The following ALDH1A2 variants were observed in gnomAD, a reference collection of about 807,000 sequenced individuals.
ALDH1A2 encodes aldehyde dehydrogenase 1 family member A2.
Under a neutral mutation model 60.3 loss-of-function variants are expected in ALDH1A2, and 27 were observed. The ratio of observed to expected loss-of-function variants is 0.45; its 90% CI spans 0.33 to 0.62. The LOEUF (loss-of-function observed/expected upper bound fraction) is 0.62. ALDH1A2 is among the 20% of genes least tolerant of loss of function. The pLI, the probability that ALDH1A2 is intolerant of heterozygous loss-of-function variation, is 0.02. For missense variants in ALDH1A2, 581 were observed against 643.8 expected, an observed-to-expected ratio of 0.90 and a Z score of 1.06; for synonymous variants, 289 against 232.4, an observed-to-expected ratio of 1.24 and a Z score of -2.21.
At chr15:57,973,772 T>C (rs1434031264) in intron 7 of ALDH1A2, among the ~76,000 whole-genome samples, 1 of 152,176 alleles carries the variant, frequency 6.6e-6, no homozygotes, top group Non-Finnish European at 1.5e-5. Flanking sequence ...ACGGGATTAG[T>C]TCCCCTCCAA....
intron 1 of ALDH1A2, among the ~76,000 whole-genome samples, chr15:58,030,145 A>G (rs1313547903): frequency 6.6e-6 from 1 of 152,194 alleles, no homozygotes; most frequent in East Asian, 1.9e-4. Context: ...CCTCAATAAA[A>G]TACTGGCAAA....
rs753292213 is a variant in ALDH1A2 at position 57,992,897 on chromosome 15, C to T, written c.684+48G>A. The T allele has an allele frequency of 5.0e-6, 8 of 1,613,552 alleles. No individual in the cohort carries two copies. The South Asian group carries it at 7.7e-5, about 16-fold the overall frequency. ...TAAATGAGATATGCTCTAGTAGGCTCCAGCTGTAAGGGGAGTCAGAAGCAC... is the reference window on the plus strand; with the variant it reads ...TAAATGAGATATGCTCTAGTAGGCTTCAGCTGTAAGGGGAGTCAGAAGCAC... On this transcript the variant is annotated intron_variant, in intron 6 of 12. Transcript: ENST00000249750.
intron 1 of ALDH1A2, among the ~76,000 whole-genome samples, chr15:58,064,378 T>C (rs1420966337): frequency 5.3e-5 from 8 of 152,208 alleles, no homozygotes; most frequent in Non-Finnish European, 1.2e-4. Flanking sequence ...ATCGCCCTGA[T>C]TTGTAACCTA....
chr15:58,004,693 T>TTGTGTGTGTGTGTGTGTG (rs138706461), intron 4 of ALDH1A2, among the ~76,000 whole-genome samples: 28 of 137,136 alleles, frequency 2.0e-4, no homozygotes, highest in African/African-American at 7.1e-4. Context: ...ATCCCATGAT[T>TTGTGTGTGTGTGTGTGTG]TGTGTGTGTG....
chr15:57,991,339 A>G (rs1214751252), intron 7 of ALDH1A2: 2 of 152,176 alleles, frequency 1.3e-5, no homozygotes. Context: ...CAAAATTACA[A>G]TAACAAATAC....
intron 7 of ALDH1A2, among the ~76,000 whole-genome samples, chr15:57,974,432 CAAAAAAAA>C (rs61170362): frequency 2.3e-3 from 225 of 96,706 alleles, no homozygotes; most frequent in African/African-American, 6.8e-3. Flanking sequence ...GACTCCATCT[CAAAAAAAA>C]AAAAAAAAAA....
At chr15:58,004,164 A>T (rs1479721783) in intron 4 of ALDH1A2, among the ~76,000 whole-genome samples, 1 of 151,890 alleles carries the variant, frequency 6.6e-6, no homozygotes, top group Non-Finnish European at 1.5e-5. Flanking sequence ...TTCTAGTTGA[A>T]GGCTACCCTT....
intron 7 of ALDH1A2, among the ~76,000 whole-genome samples, chr15:57,971,872 C>T (rs558993575): frequency 6.6e-6 from 1 of 152,314 alleles, no homozygotes; most frequent in African/African-American, 2.4e-5. Context: ...TACAGGTGCA[C>T]ACTACCAAGC....
intron 1 of ALDH1A2, among the ~76,000 whole-genome samples, chr15:58,018,039 G>A (rs1236611273): frequency 1.3e-5 from 2 of 152,092 alleles, no homozygotes; most frequent in Admixed American, 1.3e-4. Context: ...AGGCAATGTC[G>A]AAAGTTTTGA....
At chr15:58,059,057 G>A (rs1896961380) in intron 1 of ALDH1A2, among the ~76,000 whole-genome samples, 1 of 152,110 alleles carries the variant, frequency 6.6e-6, no homozygotes, top group Non-Finnish European at 1.5e-5. Context: ...CTGTAAATAA[G>A]CTCTAAGATT....
rs1895370868 is a variant in ALDH1A2, at chr15:58,004,214, G to C, written c.493+6435C>G. On this transcript the variant is annotated intron_variant, in intron 4 of 12. Coordinates refer to ENST00000249750, the MANE Select transcript of ALDH1A2 (RefSeq NM_003888.4). The stretch of plus-strand genomic sequence containing the variant: ...AAGCAGGTATTTGCTCTCTCTAACT[G>C]ATTATCCATCTGTAGTCAAAGTGAA... Among the ~76,000 whole-genome samples, 6 of 151,824 alleles carry C rather than the reference G, an allele frequency of 4.0e-5. No homozygotes were observed. In the South Asian group the frequency reaches 1.2e-3, roughly 31 times the overall value.
chr15:58,021,250 T>G (rs952311069), intron 1 of ALDH1A2, among the ~76,000 whole-genome samples: 2 of 152,168 alleles, frequency 1.3e-5, no homozygotes, highest in African/African-American at 2.4e-5. Flanking sequence ...TAGAAGCAGT[T>G]TATATGACTG....
intron 1 of ALDH1A2, chr15:58,058,138 C>T (rs1420836514): frequency 7.2e-7 from 1 of 1,391,094 alleles, no homozygotes; most frequent in African/African-American, 1.4e-5. Context: ...AGTTGTTCTC[C>T]ATAAATTCAT....
At chr15:58,015,880 C>T (rs1453808122) in intron 1 of ALDH1A2, among the ~76,000 whole-genome samples, 1 of 152,200 alleles carries the variant, frequency 6.6e-6, no homozygotes. Flanking sequence ...TGGTCTGGTT[C>T]TCTTTTCATT....
rs1895627134 is a variant in ALDH1A2 at position 58,011,321 on chromosome 15, AGGCT to A, written c.364-547_364-544del. On this transcript the variant is annotated intron_variant, in intron 3 of 12. Coordinates refer to ENST00000249750, the MANE Select transcript of ALDH1A2 (RefSeq NM_003888.4). ...GGAAGCCCAGATGTTAACAACTTAAAGGCTGGTTTTTTGTAAACATTTACATTAA... is the reference window on the plus strand; with the variant it reads ...GGAAGCCCAGATGTTAACAACTTAAAGGTTTTTTGTAAACATTTACATTAA... Among the ~76,000 whole-genome samples, 4 of 152,220 alleles carry A rather than the reference AGGCT, an allele frequency of 2.6e-5. No individual in the cohort carries two copies. The South Asian group carries it at 8.3e-4, about 31-fold the overall frequency.
chr15:58,063,854 A>G lies in ALDH1A2; in HGVS notation c.117+1680T>C, dbSNP rs1308234036. The stretch of plus-strand genomic sequence containing the variant: ...ATACTGGATAAAAGTTCCCCGAGCT[A>G]AAAGACTCCACATTAAAGGCTCCAA... On this transcript the variant is annotated intron_variant, in intron 1 of 12. Coordinates refer to ENST00000249750, the MANE Select transcript of ALDH1A2 (RefSeq NM_003888.4). 2.0e-5 allele frequency among the ~76,000 whole-genome samples: 3 copies of G among 152,216 alleles called. No individual in the cohort carries two copies. The East Asian group carries it at 5.8e-4, about 29-fold the overall frequency.
chr15:58,063,980 A>G (rs1162884741), intron 1 of ALDH1A2, among the ~76,000 whole-genome samples: 1 of 152,128 alleles, frequency 6.6e-6, no homozygotes, highest in Non-Finnish European at 1.5e-5. Context: ...TTCCAAATTA[A>G]ATTCTGAAAA....
At chr15:58,042,046 A>T (rs11071366) in intron 1 of ALDH1A2, among the ~76,000 whole-genome samples, 44,859 of 151,796 alleles carry the variant, frequency 0.3, 7,115 homozygotes, top group Non-Finnish European at 0.37. Flanking sequence ...ATTTGAACAT[A>T]TGATTTTTGG....
chr15:57,955,295 A>G, intron 12 of ALDH1A2, 26 bp from the exon 13 acceptor site: 1 of 1,613,348 alleles, frequency 6.2e-7, no homozygotes, highest in Non-Finnish European at 8.5e-7. Flanking sequence ...GGGCCGGGTC[A>G]GATACCAGAA....
Sources: allele counts gnomAD v4.1 joint callset (sites outside exome capture counted in the v4.1 genomes callset), GRCh38; gene constraint gnomAD v4.1.1; transcripts MANE v1.5; gene names NCBI Gene and HGNC (gene_info 2026-07-23, HGNC 2026-07-21).